The following HOXC4 variants were observed in gnomAD, a reference collection of about 807,000 sequenced individuals.
HOXC4 encodes homeobox protein Hox-C4.
A neutral mutation model predicts 25.5 loss-of-function variants in HOXC4; 15 were observed. That is an observed-to-expected ratio of 0.59 (90% CI 0.39 to 0.91). The LOEUF (loss-of-function observed/expected upper bound fraction) is 0.91. Among genes scored for constraint, HOXC4 ranks in the 40% least tolerant of loss-of-function variants. HOXC4 has a pLI of 0.00. For synonymous variants in HOXC4, 165 were observed against 148.0 expected (o/e 1.11, Z -0.83); for missense variants, 342 against 352.4 (o/e 0.97, Z 0.24).
At chr12:54,049,855 G>GA (rs1389641178), upstream of HOXC4, among the ~76,000 whole-genome samples, 48 of 146,056 alleles carry the variant, frequency 3.3e-4, no homozygotes, top group Middle Eastern at 3.6e-3. Context: ...TTGCCCAAAG[G>GA]AAAAAAAAAT....
chr12:54,035,588 T>A (rs1011667991), intron 1 of HOXC4, among the ~76,000 whole-genome samples: 1 of 152,186 alleles, frequency 6.6e-6, no homozygotes, highest in African/African-American at 2.4e-5. Flanking sequence ...AGTACTGGCT[T>A]TTCCCATGCT....
At chr12:54,035,342 A>G (rs554537522) in intron 1 of HOXC4, 1 of 152,816 alleles carries the variant, frequency 6.5e-6, no homozygotes, top group Non-Finnish European at 1.5e-5. Flanking sequence ...CATATCAAAT[A>G]AAGAGAGAAC....
chr12:54,043,969 T>TGTGTGG (rs1937639627), intron 1 of HOXC4, among the ~76,000 whole-genome samples: 1 of 63,532 alleles, frequency 1.6e-5, no homozygotes, highest in Non-Finnish European at 3.1e-5. Flanking sequence ...TGTGTGTGTT[T>TGTGTGG]AGGGAGTAGT....
Position 54,053,854 on chromosome 12 carries a change from C to T in HOXC4, c.-69C>T. ...GAAAGTAACTTTACAGGGTCGCTAGCTAGTAGGAGGGCTTTATGGAGCAGA... is the reference window on the plus strand; with the variant it reads ...GAAAGTAACTTTACAGGGTCGCTAGTTAGTAGGAGGGCTTTATGGAGCAGA... On this transcript the variant is annotated 5_prime_UTR_variant, in exon 1 of 2. Coordinates refer to ENST00000430889, the MANE Select transcript of HOXC4 (RefSeq NM_153633.3). 1 of 1,258,150 alleles carries T rather than the reference C, an allele frequency of 7.9e-7. No individual in the cohort carries two copies. The highest frequency in any genetic ancestry group is 2.2e-4 in the Middle Eastern group (1 of 4,582). 77.9% of individuals were successfully genotyped at this position (1,258,150 alleles called of 1,614,324 possible). A position where few individuals can be genotyped will look rare whatever the true frequency, so the allele number is the denominator to read the frequency against.
chr12:54,028,813 AC>A (rs1940850750), intron 1 of HOXC4: 1 of 1,614,074 alleles, frequency 6.2e-7, no homozygotes, highest in Non-Finnish European at 8.5e-7. Flanking sequence ...TAACACACAG[AC>A]CTCAATCGCT....
upstream of HOXC4, among the ~76,000 whole-genome samples, chr12:54,050,554 C>A (rs1428419942): frequency 2.6e-5 from 4 of 152,152 alleles, no homozygotes; most frequent in East Asian, 7.7e-4. Flanking sequence ...GTACCCCCAC[C>A]CCCTCCCAAT....
intron 1 of HOXC4, chr12:54,032,768 G>GT (rs1206353450): frequency 1.8e-5 from 3 of 171,204 alleles, no homozygotes; most frequent in African/African-American, 4.8e-5. Flanking sequence ...TGGGCTTGTT[G>GT]TCCCGGCTAC....
chr12:54,049,229 C>T (rs1937788326), upstream of HOXC4, among the ~76,000 whole-genome samples: 1 of 152,146 alleles, frequency 6.6e-6, no homozygotes, highest in Non-Finnish European at 1.5e-5. Context: ...TTATTGAACT[C>T]GCTGGAAGAT....
At chr12:54,041,115 AG>A (rs1453332845) in intron 1 of HOXC4, among the ~76,000 whole-genome samples, 1 of 152,272 alleles carries the variant, frequency 6.6e-6, no homozygotes. Context: ...AGCCATCAAA[AG>A]GTACAGCCAC....
At chr12:54,020,471 G>A (rs918915359) in intron 1 of HOXC4, 3 of 152,230 alleles carry the variant, frequency 2.0e-5, no homozygotes, top group Non-Finnish European at 4.4e-5. Context: ...GACAGAATGC[G>A]ACCTTGTTTG....
intron 1 of HOXC4, among the ~76,000 whole-genome samples, chr12:54,039,472 C>G (rs112250455): frequency 6.6e-6 from 1 of 152,198 alleles, no homozygotes; most frequent in South Asian, 2.1e-4. Flanking sequence ...ATTCCCTTGA[C>G]GCCATCCCTC....
At chr12:54,054,825 C>G in intron 1 of HOXC4, 25 bp from the exon 2 acceptor site, 1 of 1,533,072 alleles carries the variant, frequency 6.5e-7, no homozygotes, top group South Asian at 1.2e-5. Flanking sequence ...CTGAACCCCA[C>G]TATTTGCTTT....
At chr12:54,036,793 G>A (rs547226773) in intron 1 of HOXC4, among the ~76,000 whole-genome samples, 13 of 152,308 alleles carry the variant, frequency 8.5e-5, no homozygotes, top group East Asian at 5.8e-4. Context: ...AAGCACTGGC[G>A]TCTCCGGTGG....
intron 1 of HOXC4, among the ~76,000 whole-genome samples, chr12:54,018,342 G>A (rs1222164469): frequency 6.6e-6 from 1 of 152,190 alleles, no homozygotes; most frequent in African/African-American, 2.4e-5. Flanking sequence ...GACCTGCCTC[G>A]CCTCGGGGGG....
intron 1 of HOXC4, among the ~76,000 whole-genome samples, chr12:54,018,704 T>A (rs1940281718): frequency 6.6e-6 from 1 of 152,150 alleles, no homozygotes; most frequent in South Asian, 2.1e-4. Context: ...AATTTCTGTT[T>A]ATAAACGGCG....
intron 1 of HOXC4, chr12:54,029,971 G>A (rs1337829032): frequency 1.3e-6 from 2 of 1,532,788 alleles, no homozygotes; most frequent in Admixed American, 2.1e-5. Context: ...GACCAGGACT[G>A]TCCCTGCCAC....
chr12:54,048,546 A>C (rs1011882456), intron 1 of HOXC4, among the ~76,000 whole-genome samples: 2 of 152,124 alleles, frequency 1.3e-5, no homozygotes. Context: ...CCTTCTTGTG[A>C]AGCAACAGAG....
intron 1 of HOXC4, among the ~76,000 whole-genome samples, chr12:54,023,133 C>G (rs1225843814): frequency 1.3e-5 from 2 of 152,220 alleles, no homozygotes; most frequent in African/African-American, 4.8e-5. Context: ...TCCCCAAGCC[C>G]CCTCCTCAGC....
intron 1 of HOXC4, chr12:54,035,057 T>C (rs923462918): frequency 6.4e-6 from 1 of 157,030 alleles, no homozygotes; most frequent in Non-Finnish European, 1.4e-5. Flanking sequence ...CCCCCACAGT[T>C]GCTCTATGCT....
Sources: gnomAD v4.1 joint callset for allele counts (sites outside exome capture counted in the v4.1 genomes callset) on GRCh38, gnomAD v4.1.1 for gene constraint, MANE v1.5 for transcripts, NCBI Gene and HGNC (gene_info 2026-07-23, HGNC 2026-07-21) for gene names.